Variants in ACOXL observed in about 807,000 individuals in gnomAD.
ACOXL encodes the protein acyl-coenzyme A oxidase-like protein.
In ACOXL, 70 loss-of-function variants were observed where a neutral mutation model predicts 71.9. That is an observed-to-expected ratio of 0.97 (90% CI 0.80 to 1.19). The LOEUF is 1.19. ACOXL is among the 50% of genes most tolerant of loss of function. The pLI is 0.00. For synonymous variants in ACOXL, 253 were observed against 281.6 expected, an observed-to-expected ratio of 0.90 and a Z score of 1.02; for missense variants, 703 against 736.3, an observed-to-expected ratio of 0.95 and a Z score of 0.52.
chr2:110,884,601 G>A (rs1392306108), intron 10 of ACOXL, among the ~76,000 whole-genome samples: 1 of 152,144 alleles, frequency 6.6e-6, no homozygotes, highest in African/African-American at 2.4e-5. Context: ...TGTGTAAAGA[G>A]GTTGGATGGA....
chr2:110,832,599 C>T (rs941888599), intron 9 of ACOXL, among the ~76,000 whole-genome samples: 5 of 147,556 alleles, frequency 3.4e-5, no homozygotes, highest in Admixed American at 6.7e-5. Context: ...CATCAAAATA[C>T]TCTTTCCCTC....
chr2:110,771,067 T>C (rs978731027), intron 2 of ACOXL, among the ~76,000 whole-genome samples: 1 of 152,190 alleles, frequency 6.6e-6, no homozygotes, highest in Non-Finnish European at 1.5e-5. Context: ...AGGCACAGGA[T>C]TGGCCCTAGA....
intron 11 of ACOXL, among the ~76,000 whole-genome samples, chr2:110,910,820 A>G (rs183912133): frequency 6.6e-6 from 1 of 152,288 alleles, no homozygotes; most frequent in East Asian, 1.9e-4. Context: ...TTATTGACTT[A>G]TAAGAGTTTA....
At chr2:110,967,286 T>C (rs1254610746) in intron 12 of ACOXL, among the ~76,000 whole-genome samples, 3 of 152,180 alleles carry the variant, frequency 2.0e-5, no homozygotes, top group Admixed American at 1.3e-4. Context: ...AGAGTAGATA[T>C]GATAGAGGGT....
chr2:110,863,593 A>AC (rs75914992), intron 10 of ACOXL, among the ~76,000 whole-genome samples: 88 of 150,910 alleles, frequency 5.8e-4, no homozygotes, highest in East Asian at 3.7e-3. Context: ...TTCCCTGAGC[A>AC]CCCCCCCCAA....
chr2:110,856,642 T>C (rs896573766), intron 10 of ACOXL, among the ~76,000 whole-genome samples: 1 of 152,206 alleles, frequency 6.6e-6, no homozygotes, highest in East Asian at 1.9e-4. Context: ...ACACCTCAAA[T>C]TGTAAAAGGT....
intron 1 of ACOXL, among the ~76,000 whole-genome samples, chr2:110,762,612 A>G (rs1212730717): frequency 6.6e-6 from 1 of 152,128 alleles, no homozygotes; most frequent in Non-Finnish European, 1.5e-5. Flanking sequence ...CCTAACTTTC[A>G]TTTAGGTTCC....
chr2:111,095,862 T>G (rs1356617708), intron 17 of ACOXL, among the ~76,000 whole-genome samples: 1 of 152,210 alleles, frequency 6.6e-6, no homozygotes, highest in Non-Finnish European at 1.5e-5. Context: ...CTGGCAACCC[T>G]GAGTACTCAT....
At chr2:110,843,081 G>A (rs1691372079) in intron 10 of ACOXL, among the ~76,000 whole-genome samples, 2 of 152,136 alleles carry the variant, frequency 1.3e-5, no homozygotes, top group South Asian at 4.1e-4. Flanking sequence ...GGGTGCGGTG[G>A]GTATGGAAGT....
In ACOXL at chr2:110,908,662, A is replaced by C. The variant is rs560833328; in HGVS notation, c.789-127A>C. 60 of 732,242 alleles carry C rather than the reference A, an allele frequency of 8.2e-5. No individual in the cohort carries two copies. In the Admixed American group the frequency reaches 1.5e-3, roughly 18 times the overall value. 45.4% of individuals were successfully genotyped at this position (732,242 alleles called of 1,614,324 possible). On this transcript the variant is annotated intron_variant, in intron 10 of 17. Coordinates refer to ENST00000439055, the MANE Select transcript of ACOXL (RefSeq NM_001142807.4). ...TGTCTTGCCCTAACCACATTTTAGGAAATTCAGATTTCTGCATTCTGGAGT... is the reference window on the plus strand; with the variant it reads ...TGTCTTGCCCTAACCACATTTTAGGCAATTCAGATTTCTGCATTCTGGAGT...
chr2:110,841,482 T>A, intron 10 of ACOXL, 77 bp downstream of exon 10: 1 of 1,250,364 alleles, frequency 8.0e-7, no homozygotes, highest in Non-Finnish European at 1.1e-6. Flanking sequence ...ATGTCTCAGA[T>A]TTTGAGCTTT....
intron 1 of ACOXL, among the ~76,000 whole-genome samples, chr2:110,762,278 A>C (rs1486093619): frequency 6.6e-6 from 1 of 152,180 alleles, no homozygotes; most frequent in African/African-American, 2.4e-5. Context: ...TTTTAGACTT[A>C]AAAAATTCAT....
intron 12 of ACOXL, among the ~76,000 whole-genome samples, chr2:110,954,857 C>A (rs908455137): frequency 6.6e-6 from 1 of 152,126 alleles, no homozygotes; most frequent in Non-Finnish European, 1.5e-5. Flanking sequence ...TCTGTTCCAT[C>A]CCAGTCTATA....
chr2:110,906,665 C>T (rs1249273676), intron 10 of ACOXL, among the ~76,000 whole-genome samples: 1 of 150,540 alleles, frequency 6.6e-6, no homozygotes, highest in Admixed American at 6.6e-5. Context: ...TGGTCAATCA[C>T]TGCTTTTGCT....
intron 13 of ACOXL, 125 bp from the exon 14 acceptor site, chr2:110,995,768 T>C (rs915248451): frequency 1.5e-6 from 1 of 653,276 alleles, no homozygotes; most frequent in South Asian, 1.8e-5. Flanking sequence ...GGGGAGATTA[T>C]GTCTATTGAC....
At chr2:110,814,139 G>A (rs1559297866) in intron 9 of ACOXL, among the ~76,000 whole-genome samples, 2 of 152,310 alleles carry the variant, frequency 1.3e-5, no homozygotes, top group African/African-American at 2.4e-5. Context: ...TGGTGTCCAC[G>A]TTGAAAATGT....
chr2:110,742,450 T>TA (rs1677662735), intron 1 of ACOXL, among the ~76,000 whole-genome samples: 1 of 149,446 alleles, frequency 6.7e-6, no homozygotes, highest in Non-Finnish European at 1.5e-5. Flanking sequence ...TTTGGGGTGA[T>TA]ATATTGTTAT....
At chr2:111,093,430 A>G in intron 17 of ACOXL, 1 of 1,612,624 alleles carries the variant, frequency 6.2e-7, no homozygotes. Context: ...AAAGAAAAAG[A>G]ATGTGAAACA....
At chr2:110,910,346 T>C (rs2059609930) in intron 11 of ACOXL, among the ~76,000 whole-genome samples, 1 of 152,246 alleles carries the variant, frequency 6.6e-6, no homozygotes, top group Non-Finnish European at 1.5e-5. Flanking sequence ...ATGAAATGAC[T>C]AAACTGCAAT....
Sources: allele counts gnomAD v4.1 joint callset (sites outside exome capture counted in the v4.1 genomes callset), GRCh38; gene constraint gnomAD v4.1.1; transcripts MANE v1.5; gene names NCBI Gene and HGNC (gene_info 2026-07-23, HGNC 2026-07-21).